Variants in COL25A1 observed in about 807,000 individuals in gnomAD.
COL25A1 encodes collagen type XXV alpha 1 chain.
In COL25A1, 103 loss-of-function variants were observed where a neutral mutation model predicts 128.4. The observed-to-expected ratio is 0.80, with a 90% CI of 0.68 to 0.94. The LOEUF (loss-of-function observed/expected upper bound fraction) is 0.94, where lower values mean the gene tolerates loss of function less well. COL25A1 is among the 40% of genes least tolerant of loss of function. The pLI is 0.00. For synonymous variants in COL25A1, 279 were observed against 277.2 expected, an observed-to-expected ratio of 1.01 and a Z score of -0.06; for missense variants, 745 against 840.0, an observed-to-expected ratio of 0.89 and a Z score of 1.40.
At chr4:108,875,784 T>A (rs144264639) in intron 19 of COL25A1, among the ~76,000 whole-genome samples, 10,578 of 152,214 alleles carry the variant, frequency 0.069, 456 homozygotes, top group Non-Finnish European at 0.081. Flanking sequence ...GTGGCACTAT[T>A]CACAATAGCA....
At chr4:108,856,551 G>T (rs530794100) in intron 24 of COL25A1, among the ~76,000 whole-genome samples, 1 of 152,062 alleles carries the variant, frequency 6.6e-6, no homozygotes, top group African/African-American at 2.4e-5. Context: ...ATTTTATGAG[G>T]GACTCAATTC....
intron 6 of COL25A1, among the ~76,000 whole-genome samples, chr4:108,976,213 C>T (rs1752428581): frequency 6.6e-6 from 1 of 152,086 alleles, no homozygotes; most frequent in Non-Finnish European, 1.5e-5. Flanking sequence ...CCAAAAACTT[C>T]ATTATTTTAT....
chr4:109,076,533 C>A (rs113823304), intron 3 of COL25A1, among the ~76,000 whole-genome samples: 119 of 152,212 alleles, frequency 7.8e-4, no homozygotes, highest in Non-Finnish European at 1.2e-3. Context: ...TACAGTAGAG[C>A]AGTGGTCCCA....
At chr4:109,042,129 G>A (rs1759965208) in intron 5 of COL25A1, among the ~76,000 whole-genome samples, 1 of 151,804 alleles carries the variant, frequency 6.6e-6, no homozygotes, top group African/African-American at 2.4e-5. Flanking sequence ...GCCCCTTACT[G>A]TAGCCACTTC....
chr4:108,907,215 A>G (rs1454250972), intron 13 of COL25A1, among the ~76,000 whole-genome samples: 1 of 152,174 alleles, frequency 6.6e-6, no homozygotes, highest in African/African-American at 2.4e-5. Flanking sequence ...GCAGGGTGAC[A>G]GGAATGAGAA....
At chr4:109,092,021 C>CGTG (rs1764957653) in intron 3 of COL25A1, among the ~76,000 whole-genome samples, 1 of 152,144 alleles carries the variant, frequency 6.6e-6, no homozygotes, top group Non-Finnish European at 1.5e-5. Context: ...GAAACAGTAA[C>CGTG]GTGATACTGA....
At chr4:108,911,951 T>A (rs1744280276) in intron 13 of COL25A1, among the ~76,000 whole-genome samples, 1 of 152,162 alleles carries the variant, frequency 6.6e-6, no homozygotes, top group Non-Finnish European at 1.5e-5. Context: ...TCAAACTTTA[T>A]AGTAACATGC....
At chr4:109,012,978 AT>A (rs1343631087) in intron 5 of COL25A1, among the ~76,000 whole-genome samples, 3 of 152,222 alleles carry the variant, frequency 2.0e-5, no homozygotes, top group Non-Finnish European at 4.4e-5. Flanking sequence ...TATGCAGAGG[AT>A]TGTATATGCA....
At chr4:109,013,656 G>A (rs1337648631) in intron 5 of COL25A1, among the ~76,000 whole-genome samples, 2 of 151,706 alleles carry the variant, frequency 1.3e-5, no homozygotes, top group Non-Finnish European at 2.9e-5. Flanking sequence ...ACTCTGAACG[G>A]AAGGAATGAA....
intron 3 of COL25A1, among the ~76,000 whole-genome samples, chr4:109,153,926 C>T (rs1404456149): frequency 1.3e-5 from 2 of 152,202 alleles, no homozygotes; most frequent in Non-Finnish European, 2.9e-5. Context: ...GCTTGCTGAG[C>T]AGCACACAGG....
At chr4:109,079,142 G>T (rs1763625692) in intron 3 of COL25A1, among the ~76,000 whole-genome samples, 1 of 152,154 alleles carries the variant, frequency 6.6e-6, no homozygotes, top group African/African-American at 2.4e-5. Flanking sequence ...AGATCATTCT[G>T]AAATACAGTT....
intron 13 of COL25A1, among the ~76,000 whole-genome samples, chr4:108,917,450 G>A (rs1023896963): frequency 1.9e-4 from 29 of 152,130 alleles, no homozygotes; most frequent in Non-Finnish European, 3.1e-4. Flanking sequence ...CTGACAAACC[G>A]GCTCAGCAAT....
At chr4:108,894,006 G>A (rs972763195) in intron 16 of COL25A1, among the ~76,000 whole-genome samples, 2 of 152,016 alleles carry the variant, frequency 1.3e-5, no homozygotes, top group Non-Finnish European at 2.9e-5. Context: ...AATTTCAGCT[G>A]ACTGATAAAA....
intron 6 of COL25A1, among the ~76,000 whole-genome samples, chr4:109,000,043 T>C (rs4956237): frequency 0.8 from 120,922 of 151,992 alleles, 49,280 homozygotes; most frequent in East Asian, 1. Flanking sequence ...TATATCAAAC[T>C]AACATGGCAC....
chr4:109,210,809 G>A (rs1215715765), intron 3 of COL25A1, among the ~76,000 whole-genome samples: 2 of 151,976 alleles, frequency 1.3e-5, no homozygotes, highest in Non-Finnish European at 2.9e-5. Flanking sequence ...AGCAAATGTG[G>A]TATATATACA....
At chr4:109,236,973 G>A (rs971999470) in intron 3 of COL25A1, among the ~76,000 whole-genome samples, 9 of 151,924 alleles carry the variant, frequency 5.9e-5, no homozygotes, top group Non-Finnish European at 8.8e-5. Context: ...ATGTAGAATG[G>A]TCACTGAAAA....
At chr4:108,884,065 AC>A in intron 19 of COL25A1, 112 bp downstream of exon 19, 1 of 999,662 alleles carries the variant, frequency 1.0e-6, no homozygotes, top group Admixed American at 2.0e-5. Context: ...GCTGGAGAGT[AC>A]TTAGAGAACA....
At chr4:108,855,804 A>C (rs1167574275) in intron 24 of COL25A1, among the ~76,000 whole-genome samples, 3 of 152,166 alleles carry the variant, frequency 2.0e-5, no homozygotes, top group East Asian at 3.8e-4. Flanking sequence ...CTAACTTCAC[A>C]AATACATAGT....
chr4:108,833,082 T>C (rs898881520), intron 31 of COL25A1, among the ~76,000 whole-genome samples: 1 of 151,980 alleles, frequency 6.6e-6, no homozygotes, highest in East Asian at 1.9e-4. Context: ...CTCAAGCCCT[T>C]TCTCTACACC....
Sources: allele counts gnomAD v4.1 joint callset (sites outside exome capture counted in the v4.1 genomes callset), GRCh38; gene constraint gnomAD v4.1.1; transcripts MANE v1.5; gene names NCBI Gene and HGNC (gene_info 2026-07-23, HGNC 2026-07-21).